Variants in CCSER1 observed in about 807,000 individuals in gnomAD.
The protein encoded by CCSER1 is serine-rich coiled-coil domain-containing protein 1.
In CCSER1, 41 loss-of-function variants were observed where a neutral mutation model predicts 82.0. The observed-to-expected ratio is 0.50, with a 90% confidence interval of 0.39 to 0.65. The LOEUF (loss-of-function observed/expected upper bound fraction) is 0.65. Among genes scored for constraint, CCSER1 ranks in the 30% least tolerant of loss-of-function variants. The pLI is 0.00. For missense variants in CCSER1, 1,119 were observed against 1,064.2 expected (o/e 1.05, Z -0.72); for synonymous variants, 414 against 383.9 (o/e 1.08, Z -0.92).
intron 9 of CCSER1, among the ~76,000 whole-genome samples, chr4:91,002,934 G>A (rs574317326): frequency 1.1e-3 from 173 of 152,218 alleles, no homozygotes; most frequent in Non-Finnish European, 2.1e-3. Flanking sequence ...TTTGTCCCAC[G>A]GCATGTTCCC....
intron 10 of CCSER1, among the ~76,000 whole-genome samples, chr4:91,503,258 A>G (rs912847787): frequency 1.3e-5 from 2 of 151,034 alleles, no homozygotes; most frequent in Non-Finnish European, 3.0e-5. Context: ...AGGAGAATGG[A>G]GTGAACCCGG....
intron 6 of CCSER1, chr4:90,642,467 G>A (rs532858693): frequency 3.9e-5 from 6 of 152,212 alleles, no homozygotes; most frequent in African/African-American, 1.4e-4. Flanking sequence ...GAAAACTTGT[G>A]GAAATTGATG....
At chr4:90,785,469 G>A (rs1754374260) in intron 7 of CCSER1, among the ~76,000 whole-genome samples, 1 of 152,132 alleles carries the variant, frequency 6.6e-6, no homozygotes, top group Non-Finnish European at 1.5e-5. Flanking sequence ...GGAAGAACAG[G>A]AATCATATTT....
At chr4:90,378,390 T>C (rs1561128244) in intron 3 of CCSER1, among the ~76,000 whole-genome samples, 1 of 152,172 alleles carries the variant, frequency 6.6e-6, no homozygotes, top group Non-Finnish European at 1.5e-5. Flanking sequence ...CTTAAGTCTT[T>C]AAGAGGGTAA....
chr4:90,943,207 G>T (rs947033372), intron 9 of CCSER1, among the ~76,000 whole-genome samples: 1 of 152,016 alleles, frequency 6.6e-6, no homozygotes, highest in Non-Finnish European at 1.5e-5. Flanking sequence ...CAGTAAGCTT[G>T]AAAGAACAAG....
chr4:90,350,212 A>G (rs1213278861), intron 3 of CCSER1, among the ~76,000 whole-genome samples: 1 of 152,136 alleles, frequency 6.6e-6, no homozygotes, highest in Non-Finnish European at 1.5e-5. Context: ...TATAGAGAAG[A>G]CGAATATGAA....
chr4:90,747,114 TAAAA>T (rs920567484), intron 7 of CCSER1, among the ~76,000 whole-genome samples: 1 of 151,280 alleles, frequency 6.6e-6, no homozygotes, highest in Non-Finnish European at 1.5e-5. Flanking sequence ...AGACAGAAAA[TAAAA>T]AAAGAAAAGA....
At chr4:90,926,403 C>A (rs956193636) in intron 9 of CCSER1, among the ~76,000 whole-genome samples, 3 of 151,852 alleles carry the variant, frequency 2.0e-5, no homozygotes, top group Non-Finnish European at 4.4e-5. Flanking sequence ...GTATGAGTAT[C>A]AGAATATATG....
chr4:90,537,067 CT>C (rs1775485815), intron 5 of CCSER1, among the ~76,000 whole-genome samples: 1 of 152,096 alleles, frequency 6.6e-6, no homozygotes, highest in Non-Finnish European at 1.5e-5. Context: ...ACTTTGAAAT[CT>C]AATTGTTTTA....
intron 10 of CCSER1, among the ~76,000 whole-genome samples, chr4:91,339,978 G>A (rs1024829738): frequency 1.6e-4 from 25 of 151,932 alleles, no homozygotes; most frequent in African/African-American, 4.6e-4. Context: ...TTAGCCAGGA[G>A]TGGTGGCACG....
rs552871562 is a variant in CCSER1, at chr4:91,428,149, G to A, written c.2218-170423G>A. Among the ~76,000 whole-genome samples the A allele has an allele frequency of 1.8e-4, 27 of 151,992 alleles. No homozygotes were observed. In the South Asian group the frequency reaches 1.9e-3, roughly 10 times the overall value. On this transcript the variant is annotated intron_variant, in intron 10 of 10. Coordinates refer to ENST00000509176, the MANE Select transcript of CCSER1 (RefSeq NM_001145065.2). ...GACTAATAAAACAGATTTCCACAGC[G>A]CTCAATCTTGGCTATAGCATTTTAC...
chr4:90,556,877 T>A (rs1279102292), intron 5 of CCSER1, among the ~76,000 whole-genome samples: 1 of 151,524 alleles, frequency 6.6e-6, no homozygotes, highest in Non-Finnish European at 1.5e-5. Flanking sequence ...TATATGGACA[T>A]ATAAATGTAT....
chr4:91,577,142 A>G (rs1763488465), intron 10 of CCSER1, among the ~76,000 whole-genome samples: 1 of 152,036 alleles, frequency 6.6e-6, no homozygotes, highest in South Asian at 2.1e-4. Flanking sequence ...CCTGATATTA[A>G]CACAGGCCTT....
intron 6 of CCSER1, among the ~76,000 whole-genome samples, chr4:90,717,531 G>C (rs1359090351): frequency 6.6e-6 from 1 of 152,012 alleles, no homozygotes; most frequent in Admixed American, 6.6e-5. Flanking sequence ...AAACACTGAG[G>C]CATGGAATAT....
intron 10 of CCSER1, among the ~76,000 whole-genome samples, chr4:91,121,812 A>G (rs546040126): frequency 6.6e-6 from 1 of 151,716 alleles, no homozygotes; most frequent in Non-Finnish European, 1.5e-5. Flanking sequence ...TTTTGGTTAT[A>G]GTGTCTACCC....
intron 10 of CCSER1, among the ~76,000 whole-genome samples, chr4:91,161,463 G>T (rs183788473): frequency 1.3e-5 from 2 of 152,270 alleles, no homozygotes; most frequent in Admixed American, 1.3e-4. Flanking sequence ...GCTTGGTGGG[G>T]ATGGCATTGA....
intron 9 of CCSER1, among the ~76,000 whole-genome samples, chr4:91,066,268 G>T (rs896064509): frequency 6.6e-6 from 1 of 152,154 alleles, no homozygotes; most frequent in Non-Finnish European, 1.5e-5. Context: ...TACTTTCCTT[G>T]TTAAAATCCA....
At position 91,503,866 on chromosome 4, in the gene CCSER1, T is replaced by C. The variant is rs558449507; in HGVS notation, c.2218-94706T>C. On this transcript the variant is annotated intron_variant, in intron 10 of 10. Transcript: ENST00000509176. ...TAGTGGTTAAATATGGAGACATGAT[T>C]ATATTAACTATTTTCAAAAGTTTCT... Among the ~76,000 whole-genome samples, 17 of 152,300 alleles carry C rather than the reference T, an allele frequency of 1.1e-4. 1 individual carries two copies. In the South Asian group the frequency reaches 3.5e-3, roughly 32 times the overall value.
rs942642833 is a variant in CCSER1, at chr4:91,373,965, A to G, written c.2218-224607A>G. Reference sequence around the variant, plus strand: ...TCAAATTAGCCACAACATTCTGTTAAGTGAAAGCCTAATTCAGAGCAAGGT... The same window carrying G: ...TCAAATTAGCCACAACATTCTGTTAGGTGAAAGCCTAATTCAGAGCAAGGT... On this transcript the variant is annotated intron_variant, in intron 10 of 10. Transcript: ENST00000509176. Among the ~76,000 whole-genome samples the G allele has an allele frequency of 5.3e-5, 8 of 152,360 alleles. No individual in the cohort carries two copies. The South Asian group carries it at 8.3e-4, about 16-fold the overall frequency.
Sources: gnomAD v4.1 joint callset for allele counts (sites outside exome capture counted in the v4.1 genomes callset) on GRCh38, gnomAD v4.1.1 for gene constraint, MANE v1.5 for transcripts, NCBI Gene and HGNC (gene_info 2026-07-23, HGNC 2026-07-21) for gene names.